The following GRIP1 variants were observed in gnomAD, a reference collection of about 807,000 sequenced individuals.
The protein encoded by GRIP1 is glutamate receptor interacting protein 1.
In GRIP1, 45 loss-of-function variants were observed where a neutral mutation model predicts 129.9. The ratio of observed to expected loss-of-function variants is 0.35; its 90% CI spans 0.27 to 0.44. The LOEUF is 0.44. Among genes scored for constraint, GRIP1 ranks in the 20% least tolerant of loss-of-function variants. GRIP1 has a pLI of 1.00. For synonymous variants in GRIP1, 530 were observed against 520.8 expected, an observed-to-expected ratio of 1.02 and a Z score of -0.24; for missense variants, 1,196 against 1,396.8, an observed-to-expected ratio of 0.86 and a Z score of 2.29.
chr12:66,455,681 G>C, intron 10 of GRIP1, 117 bp from the exon 11 acceptor site: 1 of 923,518 alleles, frequency 1.1e-6, no homozygotes, highest in South Asian at 1.4e-5. Flanking sequence ...TGGCTAGGAA[G>C]GACCCCAGCC....
At chr12:66,740,438 G>A (rs760920024) in intron 1 of GRIP1, among the ~76,000 whole-genome samples, 4 of 152,096 alleles carry the variant, frequency 2.6e-5, no homozygotes, top group Admixed American at 6.6e-5. Flanking sequence ...CAGTCACTCC[G>A]GTTTTTCTCC....
intron 4 of GRIP1, among the ~76,000 whole-genome samples, chr12:66,536,838 T>C (rs149290019): frequency 7.9e-5 from 12 of 152,318 alleles, no homozygotes; most frequent in African/African-American, 1.9e-4. Flanking sequence ...CAATAAGTCA[T>C]TGCTGAACAA....
At chr12:66,779,380 C>A (rs1429628800) in intron 1 of GRIP1, among the ~76,000 whole-genome samples, 1 of 152,058 alleles carries the variant, frequency 6.6e-6, no homozygotes, top group Non-Finnish European at 1.5e-5. Flanking sequence ...TCAAAAAAAA[C>A]CATTAAGAGT....
At chr12:66,467,794 C>T (rs2059327546) in intron 7 of GRIP1, among the ~76,000 whole-genome samples, 1 of 152,208 alleles carries the variant, frequency 6.6e-6, no homozygotes. Flanking sequence ...CCTTTTCTCA[C>T]ATTATCTTTC....
chr12:66,563,934 A>G (rs1054293306), intron 2 of GRIP1: 1 of 152,776 alleles, frequency 6.5e-6, no homozygotes, highest in South Asian at 2.1e-4. Context: ...GCCATCAGGT[A>G]TAAACTTTAC....
intron 1 of GRIP1, among the ~76,000 whole-genome samples, chr12:66,707,503 TAAAAAAA>T (rs58564255): frequency 1.6e-5 from 1 of 64,040 alleles, no homozygotes; most frequent in Non-Finnish European, 3.0e-5. Context: ...AATCACTGAC[TAAAAAAA>T]AAAAAAAAAA....
chr12:66,592,544 C>A (rs543259844), intron 2 of GRIP1, among the ~76,000 whole-genome samples: 1 of 152,174 alleles, frequency 6.6e-6, no homozygotes, highest in Non-Finnish European at 1.5e-5. Context: ...TTGACATCTT[C>A]CTGCATTTGT....
At chr12:66,969,070 A>C (rs1238454186) in intron 1 of GRIP1, among the ~76,000 whole-genome samples, 1 of 152,144 alleles carries the variant, frequency 6.6e-6, no homozygotes, top group African/African-American at 2.4e-5. Flanking sequence ...GTTTATGATG[A>C]GAAGTCCACT....
In GRIP1 at chr12:66,823,705, T is replaced by C. The variant is rs369380699; in HGVS notation, c.59-226778A>G. Among the ~76,000 whole-genome samples the C allele has an allele frequency of 8.6e-5, 13 of 151,664 alleles. No individual in the cohort carries two copies. In the East Asian group the frequency reaches 1.2e-3, roughly 14 times the overall value. ...ATAATACCAGGAAATCATTTCTCTA[T>C]ACAAATGATTTCCCAGGCCTGAGAA... On this transcript the variant is annotated intron_variant, in intron 1 of 1. Transcript: ENST00000643019.
rs141419969 is a variant in GRIP1, at chr12:66,589,665, C to T, written c.136+7182G>A. Among the ~76,000 whole-genome samples the T allele has an allele frequency of 6.6e-3, 997 of 152,008 alleles. 9 individuals carry two copies. The highest frequency in any genetic ancestry group is 0.023 in the African/African-American group (933 of 41,450). ...ATAAAATTACAGAGAGTAAAGCCTA[C>T]GATAAACCTAAGTAAAGAAGTATAC... On this transcript the variant is annotated intron_variant, in intron 2 of 24. Transcript: ENST00000359742.
At chr12:66,357,401 G>A (rs937870109) in intron 23 of GRIP1, among the ~76,000 whole-genome samples, 2 of 152,162 alleles carry the variant, frequency 1.3e-5, no homozygotes, top group Non-Finnish European at 2.9e-5. Context: ...CTTGATTTCA[G>A]TCGAGGTTAG....
At chr12:66,445,188 T>G (rs2058586426) in intron 12 of GRIP1, 134 bp downstream of exon 12, 1 of 795,466 alleles carries the variant, frequency 1.3e-6, no homozygotes, top group African/African-American at 1.7e-5. Context: ...CATAAAATTT[T>G]ATTGTCAGAA....
chr12:66,430,149 G>T (rs111567422), intron 14 of GRIP1, among the ~76,000 whole-genome samples: 94 of 152,362 alleles, frequency 6.2e-4, no homozygotes, highest in African/African-American at 2.1e-3. Flanking sequence ...GTCAGGAACT[G>T]TGCTAGGCCT....
At chr12:66,607,185 T>C (rs1439427831) in intron 1 of GRIP1, among the ~76,000 whole-genome samples, 2 of 152,322 alleles carry the variant, frequency 1.3e-5, no homozygotes, top group Admixed American at 1.3e-4. Context: ...AAAGAATATA[T>C]CACCTCACCC....
rs1324775319 is a variant in GRIP1, at chr12:66,347,716, T to A, written c.*1303A>T. On this transcript the variant is annotated 3_prime_UTR_variant, in exon 25 of 25. Transcript: ENST00000359742. ...CTTTCTTGCCCTGGCGGTTCTGAAATGTGATTGAAATAATATTTTTTTTGC... is the reference window on the plus strand; with the variant it reads ...CTTTCTTGCCCTGGCGGTTCTGAAAAGTGATTGAAATAATATTTTTTTTGC... 1 of 151,380 alleles carries A rather than the reference T, an allele frequency of 6.6e-6. No homozygotes were observed. Among genetic ancestry groups the A allele is most frequent in the Non-Finnish European group, 1.5e-5 (1 of 68,008 alleles). 9.4% of individuals were successfully genotyped at this position (151,380 alleles called of 1,614,324 possible).
At chr12:66,753,459 G>C (rs2037191814) in intron 1 of GRIP1, among the ~76,000 whole-genome samples, 1 of 152,160 alleles carries the variant, frequency 6.6e-6, no homozygotes, top group Non-Finnish European at 1.5e-5. Flanking sequence ...TTCCACCACT[G>C]CTGACCTGCT....
intron 1 of GRIP1, among the ~76,000 whole-genome samples, chr12:66,836,500 A>C (rs2039616431): frequency 6.6e-6 from 1 of 152,210 alleles, no homozygotes; most frequent in African/African-American, 2.4e-5. Flanking sequence ...AGGTCACTAA[A>C]AGAATTCCCC....
At chr12:66,755,906 G>A (rs779154929) in intron 1 of GRIP1, among the ~76,000 whole-genome samples, 1 of 152,188 alleles carries the variant, frequency 6.6e-6, no homozygotes, top group Non-Finnish European at 1.5e-5. Context: ...CATGTGGCAA[G>A]TGGGTGCAGC....
chr12:66,397,377 G>T (rs2056834637), intron 16 of GRIP1, among the ~76,000 whole-genome samples: 1 of 151,932 alleles, frequency 6.6e-6, no homozygotes. Flanking sequence ...GCCAAGTGTG[G>T]TGGCACGTGC....
Sources: allele counts gnomAD v4.1 joint callset (sites outside exome capture counted in the v4.1 genomes callset), GRCh38; gene constraint gnomAD v4.1.1; transcripts MANE v1.5; gene names NCBI Gene and HGNC (gene_info 2026-07-23, HGNC 2026-07-21).